METTL15: variants seen among roughly 807,000 people sequenced by gnomAD.
The protein encoded by METTL15 is methyltransferase 15, mitochondrial 12S rRNA N4-cytidine, also known as 12S rRNA N(4)-cytidine methyltransferase METTL15.
Under a neutral mutation model 38.3 loss-of-function variants are expected in METTL15, and 34 were observed. That is an observed-to-expected ratio of 0.89 (90% CI 0.68 to 1.18). METTL15 has a LOEUF of 1.18. METTL15 is among the 50% of genes most tolerant of loss of function. The pLI, the probability that METTL15 is intolerant of heterozygous loss-of-function variation, is 0.00. For synonymous variants in METTL15, 162 were observed against 170.9 expected (o/e 0.95, Z 0.41); for missense variants, 438 against 498.4 (o/e 0.88, Z 1.15).
At chr11:28,437,061 G>T (rs1052906003) in intron 6 of METTL15, among the ~76,000 whole-genome samples, 1 of 152,182 alleles carries the variant, frequency 6.6e-6, no homozygotes, top group African/African-American at 2.4e-5. Context: ...CAGACTCCAA[G>T]TTCTTCAGCT....
intron 4 of METTL15, among the ~76,000 whole-genome samples, chr11:28,249,710 T>C (rs908840919): frequency 2.0e-5 from 3 of 151,934 alleles, no homozygotes; most frequent in East Asian, 1.9e-4. Context: ...ACTAATTTGC[T>C]ACTACACTAA....
intron 4 of METTL15, among the ~76,000 whole-genome samples, chr11:28,245,364 T>C (rs1854467282): frequency 1.3e-5 from 2 of 152,172 alleles, no homozygotes; most frequent in South Asian, 4.1e-4. Context: ...GAAACAGTGA[T>C]ACCCAAAACC....
In METTL15 at chr11:28,296,773, CT is replaced by C. The variant is rs1466469358; in HGVS notation, c.621del (p.Ala208LeufsTer4). ...DGGRYPDMPTAADVVNALDQQ... is the reference protein window; with the variant it reads ...DGGRYPDMPTXADVVNALDQQ... ...CGTAGGTACCCTGACATGCCCACTG[CT>C]GCTGATGTTGTGAATGCTTTAGATC... On this transcript the variant is annotated frameshift_variant, in exon 6 of 7. Transcript: ENST00000407364. LOFTEE classifies it high-confidence loss of function. 3 of 1,613,190 alleles carry C rather than the reference CT, an allele frequency of 1.9e-6. No homozygotes were observed. Among genetic ancestry groups the C allele is most frequent in the Non-Finnish European group, 2.5e-6 (3 of 1,179,594 alleles).
chr11:28,400,980 C>T (rs895936868), intron 5 of METTL15, among the ~76,000 whole-genome samples: 2 of 151,916 alleles, frequency 1.3e-5, no homozygotes, highest in Non-Finnish European at 2.9e-5. Context: ...AAAATTCGTG[C>T]GTGTGAACAG....
At chr11:28,274,028 A>C (rs756807902) in intron 4 of METTL15, among the ~76,000 whole-genome samples, 4 of 152,100 alleles carry the variant, frequency 2.6e-5, no homozygotes, top group Non-Finnish European at 5.9e-5. Flanking sequence ...TTTTAAAATG[A>C]GAAATAATAC....
intron 3 of METTL15, among the ~76,000 whole-genome samples, chr11:28,196,310 A>G (rs777682416): frequency 7.9e-5 from 12 of 152,148 alleles, no homozygotes; most frequent in Admixed American, 1.3e-4. Flanking sequence ...CATGTTCATG[A>G]TATTGATTCT....
chr11:28,387,783 A>C (rs1016777629), intron 5 of METTL15, among the ~76,000 whole-genome samples: 1 of 152,108 alleles, frequency 6.6e-6, no homozygotes, highest in Non-Finnish European at 1.5e-5. Context: ...GAATATTGGG[A>C]CAAATTTCCT....
At chr11:28,219,141 C>G (rs1418374043) in intron 4 of METTL15, among the ~76,000 whole-genome samples, 1 of 152,164 alleles carries the variant, frequency 6.6e-6, no homozygotes, top group African/African-American at 2.4e-5. Flanking sequence ...ATGGTACCAA[C>G]TTCTCCTTGT....
intron 3 of METTL15, among the ~76,000 whole-genome samples, chr11:28,179,807 C>T (rs1227771018): frequency 1.3e-5 from 2 of 151,736 alleles, no homozygotes; most frequent in Non-Finnish European, 2.9e-5. Flanking sequence ...TATTGATTCA[C>T]TTTAGGAAAT....
intron 5 of METTL15, among the ~76,000 whole-genome samples, chr11:28,375,441 A>G (rs1850298280): frequency 6.6e-6 from 1 of 151,830 alleles, no homozygotes; most frequent in African/African-American, 2.4e-5. Flanking sequence ...TAGATTTTCT[A>G]GTTTATTTGC....
At chr11:28,216,684 TATATCTCCAAATGCTATC>T (rs1017866119) in intron 4 of METTL15, among the ~76,000 whole-genome samples, 1 of 151,104 alleles carries the variant, frequency 6.6e-6, no homozygotes. Context: ...TTACATTAGG[TATATCTCCAAATGCTATC>T]CCTCCCCCCT....
intron 3 of METTL15, among the ~76,000 whole-genome samples, chr11:28,129,631 A>C (rs368207528): frequency 6.6e-4 from 101 of 152,180 alleles, no homozygotes; most frequent in African/African-American, 2.3e-3. Flanking sequence ...GCTGATCTTG[A>C]ACTCCTGACC....
At chr11:28,118,367 A>G (rs1852064228) in intron 3 of METTL15, among the ~76,000 whole-genome samples, 2 of 152,254 alleles carry the variant, frequency 1.3e-5, no homozygotes, top group South Asian at 4.1e-4. Flanking sequence ...TTCTCTTGGA[A>G]GGTATTTAAA....
At chr11:28,140,902 C>G (rs890046424) in intron 3 of METTL15, among the ~76,000 whole-genome samples, 8 of 152,166 alleles carry the variant, frequency 5.3e-5, no homozygotes, top group African/African-American at 1.2e-4. Flanking sequence ...TTCAAGTTCC[C>G]TTATCTGGAC....
Position 28,212,192 on chromosome 11 carries a change from C to T in METTL15, c.407+994C>T, listed in dbSNP as rs1383186923. On this transcript the variant is annotated intron_variant, in intron 4 of 6. Coordinates refer to ENST00000407364, the MANE Select transcript of METTL15 (RefSeq NM_001113528.2). ...AAATCTAATGAATGTGATTAACTCT[C>T]CCCATAAAACTATAAATAAATACAC... 2.0e-5 allele frequency among the ~76,000 whole-genome samples: 3 copies of T among 151,936 alleles called. No individual in the cohort carries two copies. In the East Asian group the frequency reaches 5.8e-4, roughly 29 times the overall value.
intron 6 of METTL15, 124 bp downstream of exon 6, chr11:28,297,055 T>G (rs2134002521): frequency 1.0e-6 from 1 of 957,236 alleles, no homozygotes; most frequent in South Asian, 1.8e-5. Flanking sequence ...CCCTGAGGGA[T>G]TCATTTGTAC....
intron 6 of METTL15, among the ~76,000 whole-genome samples, chr11:28,299,479 A>C (rs549111886): frequency 2.0e-5 from 3 of 152,222 alleles, no homozygotes; most frequent in Admixed American, 2.0e-4. Context: ...TGTAATATGT[A>C]ATTAAATTAT....
intron 3 of METTL15, among the ~76,000 whole-genome samples, chr11:28,190,991 A>G (rs1469646354): frequency 6.6e-6 from 1 of 151,308 alleles, no homozygotes; most frequent in Non-Finnish European, 1.5e-5. Context: ...CACTGAGCCT[A>G]CTAATAAGTT....
At chr11:28,349,962 T>C (rs1453944366) in intron 3 of METTL15, among the ~76,000 whole-genome samples, 2 of 152,216 alleles carry the variant, frequency 1.3e-5, no homozygotes, top group African/African-American at 4.8e-5. Flanking sequence ...ACTTGTTTCA[T>C]GGATGTCTTG....
Sources: allele counts gnomAD v4.1 joint callset (sites outside exome capture counted in the v4.1 genomes callset), GRCh38; gene constraint gnomAD v4.1.1; transcripts MANE v1.5; gene names NCBI Gene and HGNC (gene_info 2026-07-23, HGNC 2026-07-21).